The following PPP1R14C variants were observed in gnomAD, a reference collection of about 807,000 sequenced individuals.
The protein encoded by PPP1R14C is protein phosphatase 1 regulatory subunit 14C.
PPP1R14C carries 16 observed loss-of-function variants against 20.4 expected under a neutral mutation model. The observed-to-expected ratio is 0.78, with a 90% CI of 0.53 to 1.19. The LOEUF is 1.19. Among genes scored for constraint, PPP1R14C ranks in the 50% most tolerant of loss-of-function variants. The pLI, the probability that PPP1R14C is intolerant of heterozygous loss-of-function variation, is 0.00. For synonymous variants in PPP1R14C, 91 were observed against 91.0 expected (o/e 1.00, Z 0.00); for missense variants, 211 against 220.1 (o/e 0.96, Z 0.26).
intron 3 of PPP1R14C, among the ~76,000 whole-genome samples, chr6:150,225,968 C>T (rs1259036006): frequency 6.6e-6 from 1 of 152,086 alleles, no homozygotes; most frequent in Non-Finnish European, 1.5e-5. Context: ...TTCTAATTTC[C>T]CAGAAGTGAT....
rs969855991 is a variant in PPP1R14C, at chr6:150,184,649, C to T, written c.307-30095C>T. Among the ~76,000 whole-genome samples the T allele has an allele frequency of 5.3e-5, 8 of 152,106 alleles. No individual in the cohort carries two copies. In the South Asian group the frequency reaches 1.0e-3, roughly 20 times the overall value. On this transcript the variant is annotated intron_variant, in intron 1 of 3. Transcript: ENST00000361131. Reference sequence around the variant, plus strand: ...TTTGGACTTCTCTCTGCCAAAAATGCGGACAAGTGGCCTCTCTTTTGCCCT... The same window carrying T: ...TTTGGACTTCTCTCTGCCAAAAATGTGGACAAGTGGCCTCTCTTTTGCCCT...
At chr6:150,195,292 G>A in intron 1 of PPP1R14C, 1 of 425,126 alleles carries the variant, frequency 2.4e-6, no homozygotes, top group Non-Finnish European at 3.1e-6. Flanking sequence ...ATGAAATGCA[G>A]TTCCTGCCCT....
At chr6:150,149,452 TTTC>T (rs1211832318) in intron 1 of PPP1R14C, among the ~76,000 whole-genome samples, 802 of 45,836 alleles carry the variant, frequency 0.017, 54 homozygotes, top group African/African-American at 0.1. Context: ...AATTTTTTTT[TTTC>T]TTTTTTTTTT....
At chr6:150,225,415 C>G (rs1778219874) in intron 3 of PPP1R14C, among the ~76,000 whole-genome samples, 1 of 152,196 alleles carries the variant, frequency 6.6e-6, no homozygotes, top group South Asian at 2.1e-4. Flanking sequence ...TCAAGTTTTT[C>G]TACTCATCCT....
At chr6:150,162,044 ATTTTC>A (rs1316634455) in intron 1 of PPP1R14C, among the ~76,000 whole-genome samples, 2 of 135,938 alleles carry the variant, frequency 1.5e-5, no homozygotes, top group Non-Finnish European at 3.1e-5. Flanking sequence ...CCCTCCGTTT[ATTTTC>A]TTTTCTTTTT....
rs1050688591 is a variant in PPP1R14C at position 150,190,423 on chromosome 6, C to T, written c.307-24321C>T. 6.6e-4 allele frequency among the ~76,000 whole-genome samples: 97 copies of T among 146,190 alleles called. 2 individuals are homozygous for T. The highest frequency in any genetic ancestry group is 6.6e-3 in the Admixed American group (97 of 14,696). ...GAAACCTTAAAGTCATCCTAGATCT[C>T]TGTATTTTGCCTTTTTTTTTTTTTG... On this transcript the variant is annotated intron_variant, in intron 1 of 3. Coordinates refer to ENST00000361131, the MANE Select transcript of PPP1R14C (RefSeq NM_030949.3).
chr6:150,163,638 T>G (rs147856895), intron 1 of PPP1R14C, among the ~76,000 whole-genome samples: 154 of 152,248 alleles, frequency 1.0e-3, no homozygotes, highest in Non-Finnish European at 1.4e-3. Flanking sequence ...TGTCTGTTTT[T>G]TTGTTGTTGT....
chr6:150,181,474 A>AT (rs71835250), intron 1 of PPP1R14C, among the ~76,000 whole-genome samples: 5,376 of 151,678 alleles, frequency 0.035, 195 homozygotes, highest in East Asian at 0.09. Flanking sequence ...CATTAAAAAA[A>AT]GTTCTCGAAT....
intron 1 of PPP1R14C, among the ~76,000 whole-genome samples, chr6:150,202,653 G>T (rs1470949264): frequency 6.6e-6 from 1 of 152,208 alleles, no homozygotes; most frequent in African/African-American, 2.4e-5. Context: ...AGCCTGGCCT[G>T]GTCTCAGGGC....
intron 3 of PPP1R14C, among the ~76,000 whole-genome samples, chr6:150,218,312 A>T (rs1778121620): frequency 6.6e-6 from 1 of 152,134 alleles, no homozygotes. Flanking sequence ...CTGAGGCAGG[A>T]GAATGGCGTG....
intron 3 of PPP1R14C, among the ~76,000 whole-genome samples, chr6:150,242,365 A>G (rs61324008): frequency 0.45 from 68,253 of 151,874 alleles, 16,461 homozygotes; most frequent in African/African-American, 0.63. Context: ...TATGTAAAAA[A>G]GCCATTATGA....
At chr6:150,194,317 G>C (rs1226984713) in intron 1 of PPP1R14C, among the ~76,000 whole-genome samples, 1 of 152,100 alleles carries the variant, frequency 6.6e-6, no homozygotes, top group Non-Finnish European at 1.5e-5. Context: ...CCCAAGAAAT[G>C]GTTACTTAAC....
chr6:150,239,772 G>T (rs1252125511), intron 3 of PPP1R14C, among the ~76,000 whole-genome samples: 1 of 152,170 alleles, frequency 6.6e-6, no homozygotes, highest in East Asian at 1.9e-4. Context: ...AAAACATGCT[G>T]GGCACAGTGT....
At chr6:150,187,229 C>T (rs1459563539) in intron 1 of PPP1R14C, among the ~76,000 whole-genome samples, 1 of 147,874 alleles carries the variant, frequency 6.8e-6, no homozygotes, top group African/African-American at 2.5e-5. Flanking sequence ...ATCTGCCCAC[C>T]TTGGCCTTTC....
chr6:150,188,690 G>T (rs181618055), intron 1 of PPP1R14C, among the ~76,000 whole-genome samples: 1,812 of 150,752 alleles, frequency 0.012, 14 homozygotes, highest in Non-Finnish European at 0.019. Context: ...GTTTCACCAT[G>T]TTAGCCAGGA....
chr6:150,172,560 C>T (rs1289934284), intron 1 of PPP1R14C, among the ~76,000 whole-genome samples: 6 of 152,162 alleles, frequency 3.9e-5, no homozygotes, highest in Non-Finnish European at 4.4e-5. Context: ...TTACTCAATT[C>T]ATCATTTAGC....
intron 1 of PPP1R14C, among the ~76,000 whole-genome samples, chr6:150,161,659 A>G (rs1777369313): frequency 8.5e-6 from 1 of 117,066 alleles, no homozygotes; most frequent in African/African-American, 3.2e-5. Context: ...TTGTTAACTC[A>G]ATCCCTATGG....
At chr6:150,175,256 C>G (rs1205670111) in intron 1 of PPP1R14C, among the ~76,000 whole-genome samples, 2 of 152,132 alleles carry the variant, frequency 1.3e-5, no homozygotes, top group East Asian at 1.9e-4. Flanking sequence ...AGGAAGAAGT[C>G]CAGTAACTTG....
At chr6:150,207,701 A>G (rs1468642814) in intron 1 of PPP1R14C, among the ~76,000 whole-genome samples, 1 of 152,270 alleles carries the variant, frequency 6.6e-6, no homozygotes, top group South Asian at 2.1e-4. Flanking sequence ...CTTGATAGAT[A>G]GTCTGAGAAT....
Sources: allele counts gnomAD v4.1 joint callset (sites outside exome capture counted in the v4.1 genomes callset), GRCh38; gene constraint gnomAD v4.1.1; transcripts MANE v1.5; gene names NCBI Gene and HGNC (gene_info 2026-07-23, HGNC 2026-07-21).